The following CD79B variants were observed in gnomAD, a reference collection of about 807,000 sequenced individuals.
The protein encoded by CD79B is B-cell antigen receptor complex-associated protein beta chain.
Under a neutral mutation model 30.0 loss-of-function variants are expected in CD79B, and 7 were observed. The observed-to-expected ratio is 0.23, with a 90% CI of 0.13 to 0.44. The LOEUF is 0.44. Among genes scored for constraint, CD79B ranks in the 20% least tolerant of loss-of-function variants. CD79B has a pLI of 1.00. For missense variants in CD79B, 218 were observed against 299.1 expected (o/e 0.73, Z 2.00); for synonymous variants, 118 against 119.2 (o/e 0.99, Z 0.07).
At position 63,931,247 on chromosome 17, in the gene CD79B, G is replaced by T. The variant is rs1040662580; in HGVS notation, c.118+88C>A. ...GGAGATCAGGCAAGGGTGGGAAGGC[G>T]GACCGCCCCCAGGACAGGGACCATA... On this transcript the variant is annotated intron_variant, in intron 2 of 5. Coordinates refer to ENST00000006750, the MANE Select transcript of CD79B (RefSeq NM_000626.4). 3 of 1,384,254 alleles carry T rather than the reference G, an allele frequency of 2.2e-6. No homozygotes were observed. In the Admixed American group the frequency reaches 5.0e-5, roughly 23 times the overall value. 85.7% of individuals were successfully genotyped at this position (1,384,254 alleles called of 1,614,324 possible). A position where few individuals can be genotyped will look rare whatever the true frequency, so the allele number is the denominator to read the frequency against.
intron 2 of CD79B, among the ~76,000 whole-genome samples, chr17:63,930,753 C>T: frequency 6.6e-6 from 1 of 152,154 alleles, no homozygotes; most frequent in East Asian, 1.9e-4. Flanking sequence ...TTTCACTGGG[C>T]TGCCCTGCAC....
In CD79B at chr17:63,928,850, G is replaced by A; in HGVS notation, c.*376C>T. On this transcript the variant is annotated 3_prime_UTR_variant, in exon 6 of 6. Transcript: ENST00000006750. ...GAATGATGTTCCTGTGGCTCTTCTG[G>A]GGCCCAGTTGGGTCCATGGCCCTTC... The A allele has an allele frequency of 2.5e-6, 1 of 397,094 alleles. No individual in the cohort carries two copies. The highest frequency in any genetic ancestry group is 4.7e-6 in the Non-Finnish European group (1 of 212,784). The allele number at this position is 397,094 out of a possible 1,614,324, so 24.6% of individuals were successfully genotyped here.
chr17:63,929,461 A>C lies in CD79B; in HGVS notation c.564T>G (p.Ala188=), dbSNP rs779833118. Residue 188 remains alanine (A), a synonymous_variant, in exon 5 of 6, where the codon GCT becomes GCG. Transcript: ENST00000006750. The part of the protein sequence containing the change: ...FLLLDKDDSK[A]GMEEDHTYEG... ...CGTAGGTGTGATCTTCCTCCATGCC[A>C]GCCTTGCTGTCATCCTGGGGGCGGA... 2 of 1,613,734 alleles carry C rather than the reference A, an allele frequency of 1.2e-6. No individual in the cohort carries two copies. Among genetic ancestry groups the C allele is most frequent in the Non-Finnish European group, 1.7e-6 (2 of 1,180,018 alleles).
intron 2 of CD79B, 37 bp from the exon 3 acceptor site, chr17:63,930,422 G>A (rs1456485372): frequency 6.3e-7 from 1 of 1,592,304 alleles, no homozygotes; most frequent in African/African-American, 1.3e-5. Flanking sequence ...ATTCCGCTTG[G>A]CATCTTCCTG....
At chr17:63,931,282 A>G in intron 2 of CD79B, 53 bp downstream of exon 2, 17 of 1,576,342 alleles carry the variant, frequency 1.1e-5, no homozygotes, top group Non-Finnish European at 1.5e-5. Flanking sequence ...AGTCGGACAC[A>G]GGACATAGTC....
Position 63,929,079 on chromosome 17 carries a change from G to A in CD79B, c.*147C>T. 1 of 684,932 alleles carries A rather than the reference G, an allele frequency of 1.5e-6. No homozygotes were observed. The highest frequency in any genetic ancestry group is 2.7e-6 in the Non-Finnish European group (1 of 376,640). The allele number at this position is 684,932 out of a possible 1,614,324, so 42.4% of individuals were successfully genotyped here. On this transcript the variant is annotated 3_prime_UTR_variant, in exon 6 of 6. Transcript: ENST00000006750. ...CCCTTTGGCAAGAGCTGGGGACCAG[G>A]GGCTGGAGACAAATGGCAGCTCTGG... is the stretch of plus-strand genomic sequence containing the variant.
chr17:63,930,453 GC>G, intron 2 of CD79B, 68 bp from the exon 3 acceptor site: 2 of 1,428,888 alleles, frequency 1.4e-6, no homozygotes, highest in Admixed American at 1.8e-5. Flanking sequence ...CCAGCAGCAG[GC>G]CCCTGCCCTG....
In CD79B at chr17:63,931,470, C is replaced by T. The variant is rs570653389; in HGVS notation, c.68-85G>A. 3.2e-4 allele frequency: 416 copies of T among 1,310,486 alleles called. 16 individuals carry two copies. In the South Asian group the frequency reaches 3.9e-3, roughly 12 times the overall value. 81.2% of individuals were successfully genotyped at this position (1,310,486 alleles called of 1,614,324 possible). A position where few individuals can be genotyped will look rare whatever the true frequency, so the allele number is the denominator to read the frequency against. ...CACCCCTGCATGCCCTCTATGTTCC[C>T]GGAGCTACTTCCTCCTTCCATGACA... On this transcript the variant is annotated intron_variant, in intron 1 of 5. Coordinates refer to ENST00000006750, the MANE Select transcript of CD79B (RefSeq NM_000626.4).
rs1907958150 is a variant in CD79B, at chr17:63,929,158, G to A, written c.*68C>T. 1 of 1,086,368 alleles carries A rather than the reference G, an allele frequency of 9.2e-7. No individual in the cohort carries two copies. The highest frequency in any genetic ancestry group is 1.4e-6 in the Non-Finnish European group (1 of 701,580). 67.3% of individuals were successfully genotyped at this position (1,086,368 alleles called of 1,614,324 possible). A position where few individuals can be genotyped will look rare whatever the true frequency, so the allele number is the denominator to read the frequency against. The stretch of plus-strand genomic sequence containing the variant: ...GTCCAGGAAAGGGGTTGGGCCATGA[G>A]CCAGGCAGCTCCGAAGCAGTCACTG... On this transcript the variant is annotated 3_prime_UTR_variant, in exon 6 of 6. Coordinates refer to ENST00000006750, the MANE Select transcript of CD79B (RefSeq NM_000626.4).
chr17:63,929,729 T>C, intron 4 of CD79B, 41 bp downstream of exon 4: 2 of 1,438,490 alleles, frequency 1.4e-6, no homozygotes, highest in South Asian at 2.3e-5. Context: ...TGCGGTGGCC[T>C]CCTCTGCGGT....
chr17:63,930,288 G>A lies in CD79B; in HGVS notation c.216C>T (p.Gly72=). Reference sequence around the variant, plus strand: ...CCTGCTTCCAGAGCCAGCTCACATTGCCGGAGGCGCTGTTCATGTAGCAGT... The same window carrying A: ...CCTGCTTCCAGAGCCAGCTCACATTACCGGAGGCGCTGTTCATGTAGCAGT... The part of the protein sequence containing the change: ...KMHCYMNSAS[G]NVSWLWKQEM... The change falls in exon 3 of 6, where the codon GGC becomes GGT. Residue 72 remains glycine, a synonymous_variant. Coordinates refer to ENST00000006750, the MANE Select transcript of CD79B (RefSeq NM_000626.4). The A allele has an allele frequency of 1.2e-6, 2 of 1,614,188 alleles. No homozygotes were observed. Among genetic ancestry groups the A allele is most frequent in the Non-Finnish European group, 1.7e-6 (2 of 1,180,034 alleles).
At position 63,930,187 on chromosome 17, in the gene CD79B, G is replaced by A. The variant is rs1567810193; in HGVS notation, c.317C>T (p.Thr106Ile). The A allele has an allele frequency of 6.2e-7, 1 of 1,614,106 alleles. No individual in the cohort carries two copies. The highest frequency in any genetic ancestry group is 1.7e-5 in the Admixed American group (1 of 60,014). Residue 106 changes from threonine (T) to isoleucine (I), a missense_variant, in exon 3 of 6, where the codon ACC becomes ATC. Coordinates refer to ENST00000006750, the MANE Select transcript of CD79B (RefSeq NM_000626.4). ...AAACCGGATGCCTTGGATGGTGAGG[G>A]TGGCGAGAGATTCGTTCTGGGACTC... Reference protein sequence around the residue: ...MEESQNESLATLTIQGIRFED... With the variant: ...MEESQNESLAILTIQGIRFED...
chr17:63,929,440 G>T lies in CD79B; in HGVS notation c.585C>A (p.Thr195=), dbSNP rs1907978089. 1.2e-6 allele frequency: 2 copies of T among 1,613,982 alleles called. No individual in the cohort carries two copies. Among genetic ancestry groups the T allele is most frequent in the Non-Finnish European group, 1.7e-6 (2 of 1,179,996 alleles). The change falls in exon 5 of 6, where the codon ACC becomes ACA. Residue 195 remains threonine, a synonymous_variant. Transcript: ENST00000006750. The part of the protein sequence containing the change: ...DSKAGMEEDH[T]YEGLDIDQTA... ...GGCCTGCCCCTCTCCTTACCTCGTA[G>T]GTGTGATCTTCCTCCATGCCAGCCT...
In CD79B at chr17:63,929,333, A is replaced by G. The variant is rs1213068048; in HGVS notation, c.592-9T>C. 6.2e-7 allele frequency: 1 copy of G among 1,612,970 alleles called. No individual in the cohort carries two copies. The highest frequency in any genetic ancestry group is 8.5e-7 in the Non-Finnish European group (1 of 1,178,954). On this transcript the variant is annotated splice_polypyrimidine_tract_variant and intron_variant, in intron 5 of 5. Transcript: ENST00000006750. ...TGGTCAATGTCCAGGCCCTGGAGAC[A>G]TTAAGTGGAACTCAGGCCGGGACCA...
At position 63,932,219 on chromosome 17, in the gene CD79B, C is replaced by G; in HGVS notation, c.43G>C (p.Val15Leu). The change falls in exon 1 of 6, where the codon GTG (valine) becomes CTG (leucine). Residue 15 changes from valine to leucine, a missense_variant. Coordinates refer to ENST00000006750, the MANE Select transcript of CD79B (RefSeq NM_000626.4). The part of the protein sequence containing the change: ...ALSPVPSHWM[V>L]ALLLLLSAEP... ...CCTGAGAGCAGCAGCAGCAACGCCACCATCCAGTGGCTGGGCACAGGAGAC... is the reference window on the plus strand; with the variant it reads ...CCTGAGAGCAGCAGCAGCAACGCCAGCATCCAGTGGCTGGGCACAGGAGAC... 6.2e-7 allele frequency: 1 copy of G among 1,613,320 alleles called. No homozygotes were observed. Among genetic ancestry groups the G allele is most frequent in the Admixed American group, 1.7e-5 (1 of 60,022 alleles).
chr17:63,931,942 T>A, intron 1 of CD79B: 1 of 571,920 alleles, frequency 1.7e-6, no homozygotes, highest in Non-Finnish European at 3.2e-6. Context: ...GGTTGCTAAC[T>A]CTGGTTTGCT....
chr17:63,931,535 T>C, intron 1 of CD79B, 150 bp from the exon 2 acceptor site: 2 of 702,174 alleles, frequency 2.8e-6, no homozygotes, highest in South Asian at 1.7e-5. Context: ...CCCCCAGTAC[T>C]TGGGAGACAG....
In CD79B at chr17:63,929,907, G is replaced by A. The variant is rs1908012295; in HGVS notation, c.431-19C>T. The A allele has an allele frequency of 1.3e-6, 2 of 1,592,904 alleles. No individual in the cohort carries two copies. The highest frequency in any genetic ancestry group is 1.7e-6 in the Non-Finnish European group (2 of 1,161,096). The stretch of plus-strand genomic sequence containing the variant: ...CTGAATCCTGCGGGGACAGGGGTGG[G>A]GTTGTGAGCCTGGGCCACAGTCCAC... On this transcript the variant is annotated intron_variant, in intron 3 of 5. Coordinates refer to ENST00000006750, the MANE Select transcript of CD79B (RefSeq NM_000626.4).
chr17:63,931,447 C>G, intron 1 of CD79B, 62 bp from the exon 2 acceptor site: 4 of 1,475,458 alleles, frequency 2.7e-6, no homozygotes, highest in African/African-American at 2.8e-5. Flanking sequence ...GGCTGCCCCA[C>G]CCCTGCATGC....
Sources: allele counts gnomAD v4.1 joint callset (sites outside exome capture counted in the v4.1 genomes callset), GRCh38; gene constraint gnomAD v4.1.1; transcripts MANE v1.5; gene names NCBI Gene and HGNC (gene_info 2026-07-23, HGNC 2026-07-21).